The following NPAT variants were observed in gnomAD, a reference collection of about 807,000 sequenced individuals.
The protein encoded by NPAT is protein NPAT.
A neutral mutation model predicts 130.7 loss-of-function variants in NPAT; 52 were observed. That is an observed-to-expected ratio of 0.40 (90% CI 0.32 to 0.50). NPAT has a LOEUF of 0.50. Ranked by LOEUF, NPAT falls within the 20% of genes least tolerant of loss-of-function variation. The pLI is 0.68. For missense variants in NPAT, 1,687 were observed against 1,662.6 expected, an observed-to-expected ratio of 1.01 and a Z score of -0.26; for synonymous variants, 580 against 584.8, an observed-to-expected ratio of 0.99 and a Z score of 0.12.
rs113955917 is a variant in NPAT, at chr11:108,192,289, T to C, written c.218-99A>G. ...ACAAAAAACCTTGTCTCTCAATTAT[T>C]GACAGTATGTTGGAAAATGAGAAAT... On this transcript the variant is annotated intron_variant, in intron 3 of 17. Coordinates refer to ENST00000278612, the MANE Select transcript of NPAT (RefSeq NM_002519.3). 2.6e-3 allele frequency: 2,064 copies of C among 803,132 alleles called. 22 individuals carry two copies. Among genetic ancestry groups the C allele is most frequent in the African/African-American group, 0.023 (1,388 of 59,224 alleles). The allele number at this position is 803,132 out of a possible 1,614,324, so 49.8% of individuals were successfully genotyped here. A position where few individuals can be genotyped will look rare whatever the true frequency, so the allele number is the denominator to read the frequency against.
At position 108,194,005 on chromosome 11, in the gene NPAT, T is replaced by C. The variant is rs1439074666; in HGVS notation, c.169A>G (p.Lys57Glu). Residue 57 changes from lysine (K) to glutamate (E), a missense_variant, in exon 3 of 18, where the codon AAA (lysine) becomes GAA (glutamate). Physicochemically the swap from Lys to Glu is moderately conservative, Grantham distance 56. This residue lies in a region of NPAT where 307 missense variants were observed against 298.9 expected (regional missense o/e 1.03). Coordinates refer to ENST00000278612, the MANE Select transcript of NPAT (RefSeq NM_002519.3). ...IPACLLSLFG[K>E]NLTTILNEYV... ...TCATTTAAAATTGTTGTCAAGTTTTTTCCAAATAAGGACTGAAAAGAAAAA... is the reference window on the plus strand; with the variant it reads ...TCATTTAAAATTGTTGTCAAGTTTTCTCCAAATAAGGACTGAAAAGAAAAA... 1.9e-6 allele frequency: 3 copies of C among 1,543,398 alleles called. No individual in the cohort carries two copies. The highest frequency in any genetic ancestry group is 1.1e-5 in the South Asian group (1 of 89,022).
rs1203728434 is a variant in NPAT at position 108,169,789 on chromosome 11, G to C, written c.2965C>G (p.Pro989Ala). 1 of 1,613,980 alleles carries C rather than the reference G, an allele frequency of 6.2e-7. No homozygotes were observed. The highest frequency in any genetic ancestry group is 2.2e-5 in the East Asian group (1 of 44,876). The change falls in exon 15 of 18, where the codon CCA becomes GCA. Residue 989 changes from proline (P) to alanine (A), a missense_variant. By Grantham distance (27) the Pro-to-Ala change is conservative. Transcript: ENST00000278612. ...NRSIPQFPVP[P>A]KSQKAQGLRN... is the part of the protein sequence containing the mutation. ...AGTCCCTGAGCCTTCTGAGATTTTG[G>C]AGGGACGGGGAATTGAGGGATACTT...
rs577664560 is a variant in NPAT, at chr11:108,187,215, C to A, written c.639-646G>T. ...TCTGTAATCCCAGCAATTTTGGAGG[C>A]CAAGGTGGGAAGATCACTTGAAGCC... is the stretch of plus-strand genomic sequence containing the variant. On this transcript the variant is annotated intron_variant, in intron 7 of 17. Transcript: ENST00000278612. 1.2e-4 allele frequency among the ~76,000 whole-genome samples: 19 copies of A among 152,148 alleles called. No individual in the cohort carries two copies. In the South Asian group the frequency reaches 3.9e-3, roughly 32 times the overall value.
chr11:108,220,149 C>A (rs563131835), intron 1 of NPAT, among the ~76,000 whole-genome samples: 29 of 152,114 alleles, frequency 1.9e-4, no homozygotes, highest in Non-Finnish European at 8.8e-5. Flanking sequence ...AACTGATGGC[C>A]CAGAGGCAAC....
chr11:108,175,695 GGATGTGAAT>G (rs1328592249), intron 12 of NPAT, among the ~76,000 whole-genome samples: 1 of 152,182 alleles, frequency 6.6e-6, no homozygotes, highest in Non-Finnish European at 1.5e-5. Context: ...TCCAAGGACA[GGATGTGAAT>G]GAACACTGGA....
chr11:108,173,915 T>G, intron 12 of NPAT, 64 bp from the exon 13 acceptor site: 1 of 1,450,760 alleles, frequency 6.9e-7, no homozygotes. Flanking sequence ...GTAGTCATTT[T>G]TGCCATAAAA....
At chr11:108,169,292 T>C (rs2077928046) in intron 15 of NPAT, among the ~76,000 whole-genome samples, 1 of 152,156 alleles carries the variant, frequency 6.6e-6, no homozygotes, top group Non-Finnish European at 1.5e-5. Context: ...AGCACTGGCA[T>C]TGCTTAGAAG....
chr11:108,222,361 G>C, intron 1 of NPAT, 139 bp downstream of exon 1: 1 of 864,660 alleles, frequency 1.2e-6, no homozygotes, highest in Non-Finnish European at 1.9e-6. Flanking sequence ...GAATGACGAA[G>C]AATCACCGCC....
intron 1 of NPAT, among the ~76,000 whole-genome samples, chr11:108,206,250 G>A (rs1253961073): frequency 1.3e-5 from 2 of 152,104 alleles, no homozygotes; most frequent in South Asian, 2.1e-4. Flanking sequence ...TTTCCAGTTC[G>A]AAACCTCTGT....
rs2134814228 is a variant in NPAT at position 108,158,886 on chromosome 11, C to T, written c.*56G>A. On this transcript the variant is annotated 3_prime_UTR_variant, in exon 18 of 18. Coordinates refer to ENST00000278612, the MANE Select transcript of NPAT (RefSeq NM_002519.3). The stretch of plus-strand genomic sequence containing the variant: ...TTCTGTCAATATCCCATTCCCTACA[C>T]TCAGTTTAAGGGATATGAGTTTTTA... 3 of 999,582 alleles carry T rather than the reference C, an allele frequency of 3.0e-6. No homozygotes were observed. Among genetic ancestry groups the T allele is most frequent in the Admixed American group, 3.4e-5 (2 of 58,772 alleles). The allele number at this position is 999,582 out of a possible 1,614,324, so 61.9% of individuals were successfully genotyped here.
At chr11:108,211,980 C>T (rs1006344131) in intron 1 of NPAT, among the ~76,000 whole-genome samples, 1 of 151,132 alleles carries the variant, frequency 6.6e-6, no homozygotes, top group African/African-American at 2.4e-5. Flanking sequence ...CAAAACTCTA[C>T]CAAAGAAACC....
chr11:108,173,500 G>C lies in NPAT; in HGVS notation c.1484C>G (p.Pro495Arg), dbSNP rs533844844. 21 of 1,613,906 alleles carry C rather than the reference G, an allele frequency of 1.3e-5. No homozygotes were observed. Among genetic ancestry groups the C allele is most frequent in the Non-Finnish European group, 1.8e-5 (21 of 1,179,958 alleles). The change falls in exon 13 of 18, where the codon CCG becomes CGG. Residue 495 changes from proline to arginine, a missense_variant. Physicochemically the swap from Pro to Arg is moderately radical, Grantham distance 103 (BLOSUM62 -2). Transcript: ENST00000278612. Reference sequence around the variant, plus strand: ...ATCAGGCTGTAACTGAGATTCACTCGGTACATTTGAAGACAAAGAGTTCTT... The same window carrying C: ...ATCAGGCTGTAACTGAGATTCACTCCGTACATTTGAAGACAAAGAGTTCTT... ...IEKNSLSSNV[P>R]SESQLQPDQP...
Position 108,216,586 on chromosome 11 carries a change from C to T in NPAT, c.37+5914G>A, listed in dbSNP as rs546368866. Among the ~76,000 whole-genome samples the T allele has an allele frequency of 1.5e-4, 22 of 151,716 alleles. No individual in the cohort carries two copies. The South Asian group carries it at 4.4e-3, about 30-fold the overall frequency. On this transcript the variant is annotated intron_variant, in intron 1 of 17. Coordinates refer to ENST00000278612, the MANE Select transcript of NPAT (RefSeq NM_002519.3). ...AAATAAAGGTTGAGAAACAATGCCC[C>T]AGACAGAATACAGTGATACACAGTA...
At chr11:108,209,632 G>A (rs2078363644) in intron 1 of NPAT, among the ~76,000 whole-genome samples, 1 of 152,166 alleles carries the variant, frequency 6.6e-6, no homozygotes, top group Admixed American at 6.5e-5. Context: ...GCTCACGCCT[G>A]TAATCCCAGC....
intron 12 of NPAT, among the ~76,000 whole-genome samples, chr11:108,175,121 A>G (rs1188520393): frequency 6.6e-6 from 1 of 152,248 alleles, no homozygotes; most frequent in East Asian, 1.9e-4. Context: ...AGGTGAGTAC[A>G]GTACAATAAG....
rs1418452118 is a variant in NPAT at position 108,185,406 on chromosome 11, G to A, written c.815C>T (p.Thr272Ile). ...KLAENINKFL[T>I]SDNNIAQVPK... ...ATTTTAAACATATATAGCTTACCTA[G>A]TTAAAAATTTATTTATGTTTTCTGC... The change falls in exon 9 of 18, where the codon ACT becomes ATT. Residue 272 changes from threonine to isoleucine, a missense_variant. Thr to Ile is a moderately conservative substitution (Grantham distance 89). Transcript: ENST00000278612. 1.9e-6 allele frequency: 3 copies of A among 1,595,876 alleles called. No individual in the cohort carries two copies. The highest frequency in any genetic ancestry group is 8.6e-7 in the Non-Finnish European group (1 of 1,164,384).
At position 108,192,021 on chromosome 11, in the gene NPAT, A is replaced by G. The variant is rs1482031677; in HGVS notation, c.290+97T>C. The stretch of plus-strand genomic sequence containing the variant: ...TCTAGAGTAATTTCAAAACTGGATG[A>G]GTGTTATATAAGTACACTGTGTAGG... On this transcript the variant is annotated intron_variant, in intron 4 of 17. Coordinates refer to ENST00000278612, the MANE Select transcript of NPAT (RefSeq NM_002519.3). 9.5e-6 allele frequency: 8 copies of G among 843,778 alleles called. No individual in the cohort carries two copies. In the East Asian group the frequency reaches 1.7e-4, roughly 18 times the overall value. The allele number at this position is 843,778 out of a possible 1,614,324, so 52.3% of individuals were successfully genotyped here. A position where few individuals can be genotyped will look rare whatever the true frequency, so the allele number is the denominator to read the frequency against.
chr11:108,164,414 A>G (rs1044894512), intron 15 of NPAT, among the ~76,000 whole-genome samples: 1 of 152,198 alleles, frequency 6.6e-6, no homozygotes, highest in Non-Finnish European at 1.5e-5. Context: ...GCTATGTAGA[A>G]GAATGTGGAT....
intron 8 of NPAT, 65 bp downstream of exon 8, chr11:108,186,417 T>C (rs1447805395): frequency 6.7e-5 from 78 of 1,161,294 alleles, no homozygotes; most frequent in Non-Finnish European, 8.8e-5. Context: ...CATACATTTG[T>C]GTATATATCT....
Sources: allele counts gnomAD v4.1 joint callset (sites outside exome capture counted in the v4.1 genomes callset), GRCh38; gene constraint gnomAD v4.1.1; regional missense constraint gnomAD v4.1.1; transcripts MANE v1.5; gene names NCBI Gene and HGNC (gene_info 2026-07-23, HGNC 2026-07-21).